Variants in WDPCP observed in about 807,000 individuals in gnomAD.
WDPCP encodes the protein WD repeat containing planar cell polarity effector, also known as WD repeat-containing and planar cell polarity effector protein fritz homolog.
WDPCP carries 71 observed loss-of-function variants against 93.1 expected under a neutral mutation model. That is an observed-to-expected ratio of 0.76 (90% CI 0.63 to 0.93). The LOEUF is 0.93. Ranked by LOEUF, WDPCP falls within the 40% of genes least tolerant of loss-of-function variation. The pLI is 0.00. For synonymous variants in WDPCP, 315 were observed against 315.0 expected (o/e 1.00, Z 0.00); for missense variants, 844 against 887.4 (o/e 0.95, Z 0.62).
At position 63,752,113 on chromosome 2, in the gene WDPCP, G is replaced by T. The variant is rs146038513; in HGVS notation, n.308+61509C>A. 1.5e-3 allele frequency: 900 copies of T among 608,808 alleles called. 6 individuals carry two copies. The highest frequency in any genetic ancestry group is 0.015 in the African/African-American group (809 of 54,938). The allele number at this position is 608,808 out of a possible 1,614,324, so 37.7% of individuals were successfully genotyped here. A position where few individuals can be genotyped will look rare whatever the true frequency, so the allele number is the denominator to read the frequency against. Reference sequence around the variant, plus strand: ...TGGCAGGGCTTTCCTAACTTCACAGGTGTGGCCATTCACACGACGGTATTT... The same window carrying T: ...TGGCAGGGCTTTCCTAACTTCACAGTTGTGGCCATTCACACGACGGTATTT... On this transcript the variant is annotated intron_variant and non_coding_transcript_variant, in intron 2 of 4. Coordinates refer to the WDPCP transcript ENST00000467687.
chr2:63,285,550 T>C (rs2421881), intron 13 of WDPCP, among the ~76,000 whole-genome samples: 123,335 of 151,814 alleles, frequency 0.81, 50,833 homozygotes, highest in East Asian at 0.96. Context: ...CAAAGATAGG[T>C]AGAAATAATA....
chr2:63,616,180 CT>C (rs1256438671), intron 3 of WDPCP, among the ~76,000 whole-genome samples: 1 of 152,122 alleles, frequency 6.6e-6, no homozygotes, highest in Non-Finnish European at 1.5e-5. Flanking sequence ...TGAGAATCTA[CT>C]TAGATAGGGA....
chr2:63,382,343 TG>T (rs1378339314), intron 10 of WDPCP, among the ~76,000 whole-genome samples: 1 of 151,960 alleles, frequency 6.6e-6, no homozygotes, highest in Non-Finnish European at 1.5e-5. Flanking sequence ...AAACAAAGAT[TG>T]GGGGGTGGCA....
intron 2 of WDPCP, among the ~76,000 whole-genome samples, chr2:63,808,514 G>C (rs1035557397): frequency 2.0e-5 from 3 of 152,214 alleles, no homozygotes; most frequent in African/African-American, 7.2e-5. Context: ...ACTGGTTTTC[G>C]TGTTTTTTTG....
chr2:63,789,107 T>C (rs977272461), intron 2 of WDPCP, among the ~76,000 whole-genome samples: 22 of 152,296 alleles, frequency 1.4e-4, no homozygotes, highest in African/African-American at 4.8e-4. Context: ...ATTATTGTTA[T>C]ATGAAAAGAT....
At chr2:63,593,563 C>CT, upstream of WDPCP, 2 of 471,356 alleles carry the variant, frequency 4.2e-6, no homozygotes, top group Non-Finnish European at 8.8e-6. Context: ...GAAGAAGGAA[C>CT]TTTAAGTAAA....
chr2:63,831,698 T>C (rs1265561533), upstream of WDPCP, among the ~76,000 whole-genome samples: 1 of 152,102 alleles, frequency 6.6e-6, no homozygotes, highest in Non-Finnish European at 1.5e-5. Context: ...TATATATATA[T>C]ATAGTGAATA....
chr2:63,794,893 A>G (rs1558912459), intron 2 of WDPCP, among the ~76,000 whole-genome samples: 1 of 152,170 alleles, frequency 6.6e-6, no homozygotes, highest in Non-Finnish European at 1.5e-5. Flanking sequence ...TTTGTTTTCT[A>G]CCCAATATTT....
At chr2:63,260,474 A>G (rs1012614485) in intron 13 of WDPCP, among the ~76,000 whole-genome samples, 3 of 152,220 alleles carry the variant, frequency 2.0e-5, no homozygotes, top group African/African-American at 7.2e-5. Context: ...TTAAAAGTAA[A>G]TAATAATTAC....
At chr2:63,152,885 T>C (rs929416735) in intron 17 of WDPCP, 29 bp downstream of exon 17, 2 of 1,598,848 alleles carry the variant, frequency 1.3e-6, no homozygotes, top group Non-Finnish European at 8.6e-7. Context: ...AATTTAAATG[T>C]CTAGTAATAA....
chr2:63,463,668 T>C (rs1294158374), intron 6 of WDPCP, among the ~76,000 whole-genome samples: 1 of 152,030 alleles, frequency 6.6e-6, no homozygotes, highest in African/African-American at 2.4e-5. Flanking sequence ...AGAAAAGAGA[T>C]CCCAGGAATA....
intron 15 of WDPCP, among the ~76,000 whole-genome samples, chr2:63,159,022 G>A (rs1016282748): frequency 1.1e-4 from 17 of 150,368 alleles, no homozygotes; most frequent in East Asian, 5.9e-4. Flanking sequence ...AGGGTGTGGC[G>A]GCATGCCCCT....
chr2:63,219,087 C>G (rs1175631643), intron 14 of WDPCP, among the ~76,000 whole-genome samples: 1 of 152,118 alleles, frequency 6.6e-6, no homozygotes, highest in East Asian at 1.9e-4. Context: ...TGTCATAAAT[C>G]TTTGCAATGC....
intron 14 of WDPCP, among the ~76,000 whole-genome samples, chr2:63,234,541 A>T (rs757466975): frequency 3.9e-5 from 6 of 152,220 alleles, no homozygotes; most frequent in Non-Finnish European, 5.9e-5. Context: ...TTGAGAGGAT[A>T]AATAACATAA....
At chr2:63,247,802 T>G (rs1004381433) in intron 14 of WDPCP, among the ~76,000 whole-genome samples, 1 of 152,116 alleles carries the variant, frequency 6.6e-6, no homozygotes, top group Non-Finnish European at 1.5e-5. Flanking sequence ...GCTGTTTTTT[T>G]GTTTGTTTTG....
intron 2 of WDPCP, among the ~76,000 whole-genome samples, chr2:63,731,643 C>T (rs1414879183): frequency 2.0e-5 from 3 of 152,118 alleles, no homozygotes; most frequent in Admixed American, 6.5e-5. Flanking sequence ...TTTTAAAAAT[C>T]GTATTTAACA....
At chr2:63,827,494 G>A (rs1280506142) in intron 1 of WDPCP, 2 of 151,984 alleles carry the variant, frequency 1.3e-5, no homozygotes. Flanking sequence ...CACTGATCAT[G>A]GATTCTATAA....
rs1441805425 is a variant in WDPCP, at chr2:63,331,186, A to T, written c.1749-17875T>A. On this transcript the variant is annotated intron_variant, in intron 12 of 17. Coordinates refer to ENST00000272321, the MANE Select transcript of WDPCP (RefSeq NM_015910.7). ...AAAGCCATCGGCCATATTTTTTTAA[A>T]GCCAGATTTGACACCATGTAGAACA... 2.0e-5 allele frequency among the ~76,000 whole-genome samples: 3 copies of T among 152,268 alleles called. No individual in the cohort carries two copies. In the East Asian group the frequency reaches 5.8e-4, roughly 29 times the overall value.
At chr2:63,635,517 A>G (rs752281493) in intron 3 of WDPCP, among the ~76,000 whole-genome samples, 5 of 152,100 alleles carry the variant, frequency 3.3e-5, no homozygotes, top group Non-Finnish European at 7.4e-5. Context: ...AAAGAATCAA[A>G]CACCATAATC....
Sources: allele counts gnomAD v4.1 joint callset (sites outside exome capture counted in the v4.1 genomes callset), GRCh38; gene constraint gnomAD v4.1.1; transcripts MANE v1.5; gene names NCBI Gene and HGNC (gene_info 2026-07-23, HGNC 2026-07-21).